Variants in LYRM4 observed in about 807,000 individuals in gnomAD.
The protein encoded by LYRM4 is LYR motif-containing protein 4.
A neutral mutation model predicts 11.7 loss-of-function variants in LYRM4; 9 were observed. That is an observed-to-expected ratio of 0.77 (90% confidence interval 0.46 to 1.34). The LOEUF is 1.34. LYRM4 is among the 40% of genes most tolerant of loss of function. LYRM4 has a pLI of 0.00. For synonymous variants in LYRM4, 42 were observed against 40.4 expected (o/e 1.04, Z -0.15); for missense variants, 133 against 112.5 (o/e 1.18, Z -0.82).
downstream of LYRM4, among the ~76,000 whole-genome samples, chr6:5,099,391 C>CTCTCTCTATCTA (rs112569264): frequency 3.4e-5 from 5 of 145,442 alleles, no homozygotes; most frequent in African/African-American, 1.3e-4. This position sits in a 1 kb window ranked among gnomAD's most constrained non-coding sequence, Gnocchi z 4.3. Flanking sequence ...AAATCTATTT[C>CTCTCTCTATCTA]TCTATCTATC....
intron 1 of LYRM4, chr6:5,240,376 T>C (rs1763806747): frequency 6.6e-6 from 1 of 152,216 alleles, no homozygotes. Context: ...TTTCAATGTA[T>C]AAAACTGTAC....
intron 2 of LYRM4, among the ~76,000 whole-genome samples, chr6:5,117,763 GA>G (rs1763189378): frequency 6.6e-6 from 1 of 152,074 alleles, no homozygotes; most frequent in Non-Finnish European, 1.5e-5. Context: ...AGCTACTCAG[GA>G]ATCTAAGGTG....
intron 1 of LYRM4, among the ~76,000 whole-genome samples, chr6:5,237,263 C>G (rs1426275766): frequency 6.6e-6 from 1 of 152,130 alleles, no homozygotes; most frequent in Non-Finnish European, 1.5e-5. Flanking sequence ...CCTGTCAGAT[C>G]AGTGGTGGCA....
At chr6:5,191,882 C>T (rs1009613515) in intron 2 of LYRM4, among the ~76,000 whole-genome samples, 4 of 152,008 alleles carry the variant, frequency 2.6e-5, no homozygotes, top group Middle Eastern at 3.2e-3. Flanking sequence ...GAGAAGAATG[C>T]CATATTACTT....
intron 1 of LYRM4, among the ~76,000 whole-genome samples, chr6:5,256,351 G>C (rs771156234): frequency 6.6e-6 from 1 of 151,674 alleles, no homozygotes; most frequent in South Asian, 2.1e-4. Flanking sequence ...TTAGCCAGGC[G>C]TAGTGGCAGG....
At chr6:5,188,488 T>C (rs1021792958) in intron 2 of LYRM4, among the ~76,000 whole-genome samples, 2 of 152,220 alleles carry the variant, frequency 1.3e-5, no homozygotes, top group Non-Finnish European at 2.9e-5. Flanking sequence ...AAGGGGATTA[T>C]TGGTTGTGTT....
At chr6:5,186,635 A>T in intron 2 of LYRM4, 1 of 983,686 alleles carries the variant, frequency 1.0e-6, no homozygotes, top group South Asian at 4.7e-5. Flanking sequence ...TTGGAGTGGG[A>T]ATTCAGCATG....
intron 2 of LYRM4, among the ~76,000 whole-genome samples, chr6:5,163,132 G>A (rs1758867713): frequency 1.3e-5 from 2 of 152,150 alleles, no homozygotes; most frequent in African/African-American, 4.8e-5. Context: ...TTTGTGTCCT[G>A]TTTAAGAAGT....
intron 2 of LYRM4, chr6:5,113,417 T>G (rs571553190): frequency 2.6e-6 from 1 of 386,586 alleles, no homozygotes; most frequent in South Asian, 1.9e-5. Flanking sequence ...GATTCCGTTA[T>G]CTAAAAGAAA....
intron 2 of LYRM4, among the ~76,000 whole-genome samples, chr6:5,131,241 A>G (rs1763939094): frequency 6.6e-6 from 1 of 152,256 alleles, no homozygotes. Flanking sequence ...GACTGTAGCG[A>G]AGTATATAAA....
intron 2 of LYRM4, among the ~76,000 whole-genome samples, chr6:5,197,815 G>C (rs1176145572): frequency 1.3e-5 from 2 of 152,094 alleles, no homozygotes; most frequent in Non-Finnish European, 2.9e-5. Context: ...TAGGCAAGAG[G>C]GAGGATTTGA....
chr6:5,205,085 G>T (rs989605027), intron 2 of LYRM4, among the ~76,000 whole-genome samples: 1 of 152,186 alleles, frequency 6.6e-6, no homozygotes, highest in Admixed American at 6.5e-5. Flanking sequence ...TAAGAACAAC[G>T]CTAATCCTCT....
chr6:5,187,465 TA>T, intron 2 of LYRM4, among the ~76,000 whole-genome samples: 2 of 152,254 alleles, frequency 1.3e-5, no homozygotes, highest in South Asian at 4.1e-4. Context: ...ATTTGACCAT[TA>T]AAAATAAAAG....
the LYRM4 span, among the ~76,000 whole-genome samples, chr6:5,051,284 T>G: frequency 1.3e-5 from 2 of 152,062 alleles, no homozygotes; most frequent in African/African-American, 4.8e-5. Context: ...GTTAAAAACT[T>G]CCAAAATATG....
At chr6:5,259,512 G>A (rs888494803) in intron 1 of LYRM4, among the ~76,000 whole-genome samples, 6 of 152,178 alleles carry the variant, frequency 3.9e-5, no homozygotes, top group Admixed American at 3.9e-4. Flanking sequence ...TTTTCCAGGC[G>A]GGTTTCTAAA....
At chr6:5,133,859 T>C (rs1421883969) in intron 2 of LYRM4, among the ~76,000 whole-genome samples, 10 of 152,230 alleles carry the variant, frequency 6.6e-5, no homozygotes, top group Admixed American at 1.3e-4. Context: ...TCATATAATA[T>C]GTGGCTTTTG....
intron 2 of LYRM4, among the ~76,000 whole-genome samples, chr6:5,203,633 T>A (rs1448819194): frequency 6.6e-6 from 1 of 152,214 alleles, no homozygotes; most frequent in Non-Finnish European, 1.5e-5. Flanking sequence ...CAGCATGCAA[T>A]AAATATTTCA....
At chr6:5,257,625 T>C (rs1764741030) in intron 1 of LYRM4, among the ~76,000 whole-genome samples, 1 of 152,172 alleles carries the variant, frequency 6.6e-6, no homozygotes, top group African/African-American at 2.4e-5. Flanking sequence ...GAGCTCCATC[T>C]CCTGTCAGAT....
the LYRM4 span, among the ~76,000 whole-genome samples, chr6:5,036,394 AG>A: frequency 2.0e-5 from 3 of 152,116 alleles, no homozygotes; most frequent in African/African-American, 7.2e-5. Flanking sequence ...CCTGAAAGGA[AG>A]GTTATTCACA....
Sources: gnomAD v4.1 joint callset for allele counts (sites outside exome capture counted in the v4.1 genomes callset) on GRCh38, gnomAD v4.1.1 for gene constraint, Gnocchi (gnomAD v3.1) non-coding constraint, MANE v1.5 for transcripts, NCBI Gene and HGNC (gene_info 2026-07-23, HGNC 2026-07-21) for gene names.